The following MAF variants were observed in gnomAD, a reference collection of about 807,000 sequenced individuals.
The protein encoded by MAF is transcription factor Maf.
In MAF, 10 loss-of-function variants were observed where a neutral mutation model predicts 22.0. The ratio of observed to expected loss-of-function variants is 0.45; its 90% confidence interval spans 0.28 to 0.77. MAF has a LOEUF of 0.77. MAF is among the 30% of genes least tolerant of loss of function. MAF has a pLI of 0.12. For synonymous variants in MAF, 337 were observed against 255.8 expected (o/e 1.32, Z -3.03); for missense variants, 544 against 548.4 (o/e 0.99, Z 0.08).
At chr16:79,555,902 G>A in the MAF span, among the ~76,000 whole-genome samples, 34 of 151,810 alleles carry the variant, frequency 2.2e-4, no homozygotes, top group African/African-American at 7.7e-4. Flanking sequence ...GTATTTCTAC[G>A]AAACAGATAA....
At chr16:79,312,942 C>G in the MAF span, among the ~76,000 whole-genome samples, 1 of 152,134 alleles carries the variant, frequency 6.6e-6, no homozygotes, top group Non-Finnish European at 1.5e-5. Context: ...ACGGCATCAT[C>G]GGCCCAGTTT....
chr16:79,513,026 C>A, the MAF span, among the ~76,000 whole-genome samples: 1 of 152,240 alleles, frequency 6.6e-6, no homozygotes, highest in Non-Finnish European at 1.5e-5. Context: ...AGAGGGAGTG[C>A]CTTTTCACCT....
chr16:79,538,520 G>C, the MAF span, among the ~76,000 whole-genome samples: 2 of 152,212 alleles, frequency 1.3e-5, no homozygotes, highest in East Asian at 3.9e-4. Flanking sequence ...AGCAAAGAAA[G>C]AATATTAAAC....
At chr16:79,372,259 G>T in the MAF span, among the ~76,000 whole-genome samples, 1 of 151,928 alleles carries the variant, frequency 6.6e-6, no homozygotes, top group African/African-American at 2.4e-5. Context: ...GAGGATGGGG[G>T]AACTTGCTCA....
chr16:79,489,423 G>A, the MAF span, among the ~76,000 whole-genome samples: 4 of 152,172 alleles, frequency 2.6e-5, no homozygotes, highest in African/African-American at 9.7e-5. Context: ...ATAAGAGTTG[G>A]GGATATAAAG....
chr16:79,357,253 CACAACA>C, the MAF span, among the ~76,000 whole-genome samples: 34,058 of 145,888 alleles, frequency 0.23, 4,368 homozygotes, highest in Non-Finnish European at 0.31. Flanking sequence ...AAGACTCTGT[CACAACA>C]ACAACAACAA....
At chr16:79,242,463 T>C in the MAF span, among the ~76,000 whole-genome samples, 6 of 150,694 alleles carry the variant, frequency 4.0e-5, no homozygotes, top group Admixed American at 2.0e-4. Context: ...AAGAAGGACA[T>C]TACATAATAC....
At chr16:79,447,345 A>G in the MAF span, among the ~76,000 whole-genome samples, 1 of 152,102 alleles carries the variant, frequency 6.6e-6, no homozygotes, top group Non-Finnish European at 1.5e-5. Context: ...AAAAAAAAAA[A>G]AAAGATTCCT....
the MAF span, among the ~76,000 whole-genome samples, chr16:79,354,045 G>A: frequency 6.6e-6 from 1 of 151,842 alleles, no homozygotes; most frequent in South Asian, 2.1e-4. Context: ...ACCCAGGCTG[G>A]AGTGCAGTGG....
chr16:79,526,321 C>T, the MAF span, among the ~76,000 whole-genome samples: 6 of 152,160 alleles, frequency 3.9e-5, no homozygotes, highest in African/African-American at 1.4e-4. Context: ...CTAGATTCCT[C>T]ACATGCACAG....
the MAF span, among the ~76,000 whole-genome samples, chr16:79,553,604 C>T: frequency 1.3e-5 from 2 of 152,222 alleles, no homozygotes; most frequent in South Asian, 2.1e-4. Flanking sequence ...GGTCAGAAAG[C>T]TGCCAGGTAC....
chr16:79,240,143 G>A, the MAF span, among the ~76,000 whole-genome samples: 4 of 151,938 alleles, frequency 2.6e-5, no homozygotes, highest in African/African-American at 9.6e-5. Context: ...CCCATGGCGG[G>A]GGGTGTAAGT....
chr16:79,462,352 T>G, the MAF span, among the ~76,000 whole-genome samples: 4 of 152,166 alleles, frequency 2.6e-5, no homozygotes, highest in African/African-American at 9.7e-5. Flanking sequence ...CACCAATTGG[T>G]AGTAGACAAG....
At chr16:79,590,290 A>G (rs565024930), downstream of MAF, among the ~76,000 whole-genome samples, 1 of 152,280 alleles carries the variant, frequency 6.6e-6, no homozygotes, top group African/African-American at 2.4e-5. Flanking sequence ...CTCTCTGCCT[A>G]CATCTCCTTC....
the MAF span, among the ~76,000 whole-genome samples, chr16:79,531,980 C>T: frequency 6.6e-6 from 1 of 152,114 alleles, no homozygotes; most frequent in South Asian, 2.1e-4. Context: ...TAGGAACATG[C>T]CCCAGCATAG....
chr16:79,389,479 C>A, the MAF span, among the ~76,000 whole-genome samples: 1 of 152,152 alleles, frequency 6.6e-6, no homozygotes. Flanking sequence ...CCAGGCTGGT[C>A]TTGAACTCCT....
the MAF span, among the ~76,000 whole-genome samples, chr16:79,310,049 A>T: frequency 6.6e-6 from 1 of 152,150 alleles, no homozygotes; most frequent in African/African-American, 2.4e-5. Context: ...ATGGAAAAAT[A>T]TCAAATCAAG....
chr16:79,372,396 G>C, the MAF span, among the ~76,000 whole-genome samples: 1 of 152,290 alleles, frequency 6.6e-6, no homozygotes, highest in Non-Finnish European at 1.5e-5. Flanking sequence ...TAAATGTAAT[G>C]TCTACCCTGG....
At chr16:79,598,715 C>A (rs894285891) in intron 1 of MAF, 70 bp downstream of exon 1, 1 of 1,603,002 alleles carries the variant, frequency 6.2e-7, no homozygotes, top group African/African-American at 1.3e-5. Context: ...AACTAGCAAG[C>A]CCACACCCGA....
Sources: allele counts gnomAD v4.1 joint callset (sites outside exome capture counted in the v4.1 genomes callset), GRCh38; gene constraint gnomAD v4.1.1; transcripts MANE v1.5; gene names NCBI Gene and HGNC (gene_info 2026-07-23, HGNC 2026-07-21).